The following THSD7B variants were observed in gnomAD, a reference collection of about 807,000 sequenced individuals.
THSD7B encodes thrombospondin type 1 domain containing 7B, also known as thrombospondin type-1 domain-containing protein 7B.
In THSD7B, 138 loss-of-function variants were observed where a neutral mutation model predicts 213.6. The observed-to-expected ratio is 0.65, with a 90% CI of 0.56 to 0.74. The LOEUF is 0.74. Ranked by LOEUF, THSD7B falls within the 30% of genes least tolerant of loss-of-function variation. The pLI, the probability that THSD7B is intolerant of heterozygous loss-of-function variation, is 0.00. For missense variants in THSD7B, 1,931 were observed against 1,991.5 expected, an observed-to-expected ratio of 0.97 and a Z score of 0.58; for synonymous variants, 742 against 687.0, an observed-to-expected ratio of 1.08 and a Z score of -1.25.
intron 24 of THSD7B, 38 bp downstream of exon 24, chr2:137,657,198 C>T: frequency 6.3e-7 from 1 of 1,585,354 alleles, no homozygotes; most frequent in Non-Finnish European, 8.7e-7. Context: ...ACTTCACAAA[C>T]ACCCCTGAGT....
At chr2:137,434,557 G>C (rs1422708874) in intron 14 of THSD7B, among the ~76,000 whole-genome samples, 1 of 152,180 alleles carries the variant, frequency 6.6e-6, no homozygotes, top group Non-Finnish European at 1.5e-5. Flanking sequence ...CTTCCAAAAA[G>C]ACTGGGTCTT....
chr2:137,099,542 A>G (rs1443861735), intron 4 of THSD7B, among the ~76,000 whole-genome samples: 1 of 152,186 alleles, frequency 6.6e-6, no homozygotes, highest in Non-Finnish European at 1.5e-5. Context: ...ACTGTAACAC[A>G]TTTGAATATT....
At chr2:137,557,812 C>T (rs991245454) in intron 15 of THSD7B, among the ~76,000 whole-genome samples, 3 of 151,974 alleles carry the variant, frequency 2.0e-5, no homozygotes, top group African/African-American at 2.4e-5. Context: ...ATTGATAGAC[C>T]ACTAGCAAGA....
At chr2:137,308,435 A>G (rs1391013860) in intron 12 of THSD7B, among the ~76,000 whole-genome samples, 1 of 152,030 alleles carries the variant, frequency 6.6e-6, no homozygotes, top group African/African-American at 2.4e-5. Flanking sequence ...ACGGAGTACC[A>G]TGATATGTAA....
chr2:137,141,172 A>T (rs991976993), intron 5 of THSD7B, among the ~76,000 whole-genome samples: 2 of 152,084 alleles, frequency 1.3e-5, no homozygotes, highest in African/African-American at 4.8e-5. Flanking sequence ...TGATTCTGAG[A>T]TGTATTGGCC....
intron 1 of THSD7B, among the ~76,000 whole-genome samples, chr2:136,792,329 A>G: frequency 6.6e-6 from 1 of 151,994 alleles, no homozygotes. Context: ...GGAAACAGTG[A>G]AAAGATCAGT....
At chr2:137,246,073 C>A (rs1318625302) in intron 10 of THSD7B, among the ~76,000 whole-genome samples, 4 of 151,964 alleles carry the variant, frequency 2.6e-5, no homozygotes, top group African/African-American at 9.7e-5. Flanking sequence ...AAGCATGGAC[C>A]AGGGACAGAC....
chr2:137,336,267 A>T (rs938293734), intron 12 of THSD7B, among the ~76,000 whole-genome samples: 3 of 152,210 alleles, frequency 2.0e-5, no homozygotes, highest in Non-Finnish European at 2.9e-5. Context: ...AAAAGTGCTG[A>T]TGCAGGAAAA....
At chr2:137,474,005 C>T (rs1688146063) in intron 15 of THSD7B, among the ~76,000 whole-genome samples, 1 of 152,112 alleles carries the variant, frequency 6.6e-6, no homozygotes, top group Non-Finnish European at 1.5e-5. Context: ...ATTAGAGAAA[C>T]AACTGTAGAA....
chr2:136,873,697 T>C (rs1358134422), intron 1 of THSD7B, among the ~76,000 whole-genome samples: 2 of 152,184 alleles, frequency 1.3e-5, no homozygotes, highest in Non-Finnish European at 2.9e-5. Context: ...GAGAAAACAA[T>C]GACAATAGTA....
chr2:137,273,226 C>T (rs1435167273), intron 11 of THSD7B, among the ~76,000 whole-genome samples: 4 of 151,830 alleles, frequency 2.6e-5, no homozygotes, highest in East Asian at 3.9e-4. Flanking sequence ...TAGAAGAAAA[C>T]GTTTAACTTA....
intron 2 of THSD7B, among the ~76,000 whole-genome samples, chr2:136,998,366 G>C (rs1416375386): frequency 6.6e-6 from 1 of 151,768 alleles, no homozygotes; most frequent in Non-Finnish European, 1.5e-5. Flanking sequence ...CACTGGGTAG[G>C]AATATGCTTT....
intron 16 of THSD7B, among the ~76,000 whole-genome samples, chr2:137,567,737 T>C (rs933736496): frequency 1.3e-5 from 2 of 152,038 alleles, no homozygotes; most frequent in South Asian, 2.1e-4. Context: ...ATTTTTTGAG[T>C]TGAGGAACAT....
intron 17 of THSD7B, among the ~76,000 whole-genome samples, chr2:137,605,507 G>A (rs950063811): frequency 1.3e-5 from 2 of 151,894 alleles, no homozygotes; most frequent in Non-Finnish European, 2.9e-5. Flanking sequence ...AGACATCAGT[G>A]GTATGATGAA....
At chr2:137,494,253 C>T (rs1379501076) in intron 15 of THSD7B, among the ~76,000 whole-genome samples, 1 of 152,100 alleles carries the variant, frequency 6.6e-6, no homozygotes, top group Non-Finnish European at 1.5e-5. Context: ...ATCAGACCCC[C>T]TCTATTTCCT....
intron 1 of THSD7B, among the ~76,000 whole-genome samples, chr2:136,794,033 A>G (rs1295911300): frequency 6.6e-6 from 1 of 151,500 alleles, no homozygotes. Context: ...AAATTTGTTC[A>G]TAATATTCTC....
intron 14 of THSD7B, among the ~76,000 whole-genome samples, chr2:137,444,559 C>T (rs568724168): frequency 4.5e-4 from 69 of 151,702 alleles, no homozygotes; most frequent in African/African-American, 1.6e-3. Context: ...AGCTAGAAAA[C>T]TGGATATCCA....
rs192807484 is a variant in THSD7B at position 136,925,089 on chromosome 2, C to T, written c.139+42772C>T. 2.4e-4 allele frequency among the ~76,000 whole-genome samples: 36 copies of T among 152,198 alleles called. No homozygotes were observed. The East Asian group carries it at 6.8e-3, about 29-fold the overall frequency. ...TGTGTGTGTGTGTGAAATCTTTAGG[C>T]TTTTCCACACACACAATGAGGTCAT... On this transcript the variant is annotated intron_variant, in intron 2 of 27. Transcript: ENST00000409968.
chr2:137,353,838 CAT>C (rs1399348657), intron 12 of THSD7B, among the ~76,000 whole-genome samples: 1 of 152,068 alleles, frequency 6.6e-6, no homozygotes, highest in Non-Finnish European at 1.5e-5. Flanking sequence ...GGAGATTCCA[CAT>C]GTGATTGAAA....
Sources: allele counts gnomAD v4.1 joint callset (sites outside exome capture counted in the v4.1 genomes callset), GRCh38; gene constraint gnomAD v4.1.1; transcripts MANE v1.5; gene names NCBI Gene and HGNC (gene_info 2026-07-23, HGNC 2026-07-21).